The following PRIM2 variants were observed in gnomAD, a reference collection of about 807,000 sequenced individuals.
PRIM2 encodes DNA primase subunit 2.
PRIM2 carries 39 observed loss-of-function variants against 67.3 expected under a neutral mutation model. The ratio of observed to expected loss-of-function variants is 0.58; its 90% CI spans 0.45 to 0.76. The LOEUF (loss-of-function observed/expected upper bound fraction) is 0.76, where lower values mean the gene tolerates loss of function less well. Ranked by LOEUF, PRIM2 falls within the 30% of genes least tolerant of loss-of-function variation. The pLI, the probability that PRIM2 is intolerant of heterozygous loss-of-function variation, is 0.00. For missense variants in PRIM2, 398 were observed against 598.7 expected (o/e 0.66, Z 3.50); for synonymous variants, 143 against 198.7 (o/e 0.72, Z 2.36).
chr6:57,508,772 T>G (rs1554347435), intron 8 of PRIM2, among the ~76,000 whole-genome samples: 1 of 152,184 alleles, frequency 6.6e-6, no homozygotes. Flanking sequence ...TTCCTTATTT[T>G]TGAGGTGGGA....
intron 5 of PRIM2, among the ~76,000 whole-genome samples, chr6:57,339,387 C>T (rs1289116769): frequency 9.2e-5 from 14 of 151,916 alleles, no homozygotes; most frequent in Non-Finnish European, 1.5e-4. Flanking sequence ...AAAAAGAGCC[C>T]GCATCGCCAA....
chr6:57,269,389 G>C, the PRIM2 span, among the ~76,000 whole-genome samples: 21 of 151,954 alleles, frequency 1.4e-4, no homozygotes, highest in East Asian at 1.4e-3. Flanking sequence ...GGCCAGTGAT[G>C]ATGAGCATTT....
intron 7 of PRIM2, among the ~76,000 whole-genome samples, chr6:57,388,829 C>T (rs1770234400): frequency 6.6e-6 from 1 of 152,046 alleles, no homozygotes. Context: ...ATTGGTTACA[C>T]AAATGGAGAT....
At position 57,479,923 on chromosome 6, in the gene PRIM2, T is replaced by C. The variant is rs1353661346; in HGVS notation, c.694-27464T>C. 1.2e-4 allele frequency among the ~76,000 whole-genome samples: 18 copies of C among 152,318 alleles called. No homozygotes were observed. In the South Asian group the frequency reaches 3.7e-3, roughly 32 times the overall value. ...ATCAGGCAGAATACGATAATTTACA[T>C]TACAGAGTAAGTAGTGTTCAGAGGA... is the stretch of plus-strand genomic sequence containing the variant. On this transcript the variant is annotated intron_variant, in intron 7 of 13. Coordinates refer to ENST00000615550, the MANE Select transcript of PRIM2 (RefSeq NM_000947.5).
intron 7 of PRIM2, among the ~76,000 whole-genome samples, chr6:57,496,172 G>T (rs1774000135): frequency 6.6e-6 from 1 of 152,014 alleles, no homozygotes; most frequent in African/African-American, 2.4e-5. Context: ...TCTTCACTTT[G>T]GTAATTAATA....
At chr6:57,620,397 G>A (rs1331360858) in intron 12 of PRIM2, among the ~76,000 whole-genome samples, 3 of 152,146 alleles carry the variant, frequency 2.0e-5, no homozygotes, top group Non-Finnish European at 4.4e-5. Context: ...GAAGGGATTA[G>A]GGCCCTATCT....
At chr6:57,339,967 G>A (rs1251422910) in intron 5 of PRIM2, among the ~76,000 whole-genome samples, 9 of 151,450 alleles carry the variant, frequency 5.9e-5, no homozygotes, top group Non-Finnish European at 1.3e-4. Context: ...TCTGACAAAG[G>A]GCTAATATCC....
chr6:57,410,199 C>G (rs1371480305), intron 7 of PRIM2, among the ~76,000 whole-genome samples: 1 of 151,842 alleles, frequency 6.6e-6, no homozygotes, highest in East Asian at 1.9e-4. Flanking sequence ...TGGCGGGTAC[C>G]TGTAATCCCA....
At chr6:57,417,616 G>A (rs577967283) in intron 7 of PRIM2, among the ~76,000 whole-genome samples, 1 of 152,324 alleles carries the variant, frequency 6.6e-6, no homozygotes, top group East Asian at 1.9e-4. Flanking sequence ...TCCTGATGAA[G>A]CTCATCTTAT....
At chr6:57,576,391 T>A (rs1382696148) in intron 10 of PRIM2, among the ~76,000 whole-genome samples, 1 of 151,918 alleles carries the variant, frequency 6.6e-6, no homozygotes, top group African/African-American at 2.4e-5. Flanking sequence ...CAAAACAAAT[T>A]CAGTTTCTTA....
intron 7 of PRIM2, among the ~76,000 whole-genome samples, chr6:57,405,978 TA>T (rs1667944143): frequency 6.6e-6 from 1 of 152,192 alleles, no homozygotes; most frequent in Non-Finnish European, 1.5e-5. Context: ...GGGAGACATA[TA>T]AACAGTCATC....
chr6:57,355,172 C>A (rs1195692266), intron 5 of PRIM2, among the ~76,000 whole-genome samples: 1 of 152,162 alleles, frequency 6.6e-6, no homozygotes. Flanking sequence ...GATGTGGTGG[C>A]GGGCGCCTGC....
At chr6:57,317,523 C>G (rs950046444), upstream of PRIM2, 1 of 152,732 alleles carries the variant, frequency 6.5e-6, no homozygotes, top group African/African-American at 2.4e-5. Context: ...TTCCCAGACG[C>G]GCTCCACTGA....
intron 7 of PRIM2, among the ~76,000 whole-genome samples, chr6:57,489,869 C>T (rs1554345794): frequency 0.022 from 3,317 of 150,774 alleles, 31 homozygotes; most frequent in South Asian, 0.071. Context: ...TATGTGGTTT[C>T]GTGTAGGGCG....
rs1171397416 is a variant in PRIM2, at chr6:57,468,203, C to T, written c.694-39184C>T. ...GGTGAGGGAAGGCATCCTTGTCTTG[C>T]GCCGATTTTCAAAAGGAATGCTTCC... On this transcript the variant is annotated intron_variant, in intron 7 of 13. Coordinates refer to ENST00000615550, the MANE Select transcript of PRIM2 (RefSeq NM_000947.5). Among the ~76,000 whole-genome samples, 314 of 152,214 alleles carry T rather than the reference C, an allele frequency of 2.1e-3. 5 individuals are homozygous for T. Among genetic ancestry groups the T allele is most frequent in the East Asian group, 0.016 (81 of 5,176 alleles).
At chr6:57,607,966 G>C (rs1413661093) in intron 12 of PRIM2, among the ~76,000 whole-genome samples, 23 of 151,868 alleles carry the variant, frequency 1.5e-4, no homozygotes. Context: ...GTCAGTGGTA[G>C]AACCAAAAAT....
At chr6:57,313,006 G>A (rs973633117), upstream of PRIM2, among the ~76,000 whole-genome samples, 18 of 152,156 alleles carry the variant, frequency 1.2e-4, no homozygotes, top group African/African-American at 4.3e-4. Context: ...CATAGGTGTG[G>A]GACCATGTTT....
intron 7 of PRIM2, among the ~76,000 whole-genome samples, chr6:57,456,639 G>A (rs1212474587): frequency 1.3e-5 from 2 of 151,962 alleles, no homozygotes; most frequent in Non-Finnish European, 2.9e-5. Flanking sequence ...ACCTCCATTA[G>A]GTCCTTTAAG....
At chr6:57,639,986 A>G (rs1205539025) in intron 13 of PRIM2, among the ~76,000 whole-genome samples, 2 of 152,076 alleles carry the variant, frequency 1.3e-5, no homozygotes, top group African/African-American at 2.4e-5. Context: ...AAAATCCTCA[A>G]TAAAATACTG....
Sources: allele counts gnomAD v4.1 joint callset (sites outside exome capture counted in the v4.1 genomes callset), GRCh38; gene constraint gnomAD v4.1.1; transcripts MANE v1.5; gene names NCBI Gene and HGNC (gene_info 2026-07-23, HGNC 2026-07-21).